BTG4: variants seen among roughly 807,000 people sequenced by gnomAD.
BTG4 encodes BTG anti-proliferation factor 4.
A neutral mutation model predicts 19.3 loss-of-function variants in BTG4; 10 were observed. The ratio of observed to expected loss-of-function variants is 0.52; its 90% CI spans 0.32 to 0.88. BTG4 has a LOEUF of 0.88. Among genes scored for constraint, BTG4 ranks in the 40% least tolerant of loss-of-function variants. BTG4 has a pLI of 0.04. For missense variants in BTG4, 238 were observed against 281.9 expected (o/e 0.84, Z 1.11); for synonymous variants, 91 against 95.7 (o/e 0.95, Z 0.29).
At chr11:111,502,509 G>C (rs1866156834) in intron 1 of BTG4, among the ~76,000 whole-genome samples, 1 of 152,060 alleles carries the variant, frequency 6.6e-6, no homozygotes, top group African/African-American at 2.4e-5. Flanking sequence ...CATTTGCTAG[G>C]GTAACTTTTG....
At chr11:111,468,629 G>C (rs1219851069) in intron 5 of BTG4, among the ~76,000 whole-genome samples, 1 of 152,210 alleles carries the variant, frequency 6.6e-6, no homozygotes, top group Non-Finnish European at 1.5e-5. Flanking sequence ...GAATGAACAA[G>C]AGAGTTACTT....
chr11:111,422,856 A>T, the BTG4 span, among the ~76,000 whole-genome samples: 1 of 152,152 alleles, frequency 6.6e-6, no homozygotes, highest in Non-Finnish European at 1.5e-5. Context: ...CTGTGGGTGG[A>T]GAGGGAGGGC....
chr11:111,490,383 C>T (rs536943865), downstream of BTG4, among the ~76,000 whole-genome samples: 4 of 152,022 alleles, frequency 2.6e-5, no homozygotes, highest in South Asian at 6.3e-4. Context: ...TGATTTATAA[C>T]ACAACATGTG....
At chr11:111,436,641 A>AAC in the BTG4 span, among the ~76,000 whole-genome samples, 7 of 150,626 alleles carry the variant, frequency 4.6e-5, no homozygotes, top group Admixed American at 2.0e-4. Flanking sequence ...AAAAGAAAAA[A>AAC]AAAAAACAAA....
At chr11:111,386,221 T>C in the BTG4 span, 4 of 152,224 alleles carry the variant, frequency 2.6e-5, no homozygotes, top group African/African-American at 4.8e-5. Context: ...ATTTTTTGTA[T>C]ATAGGACACA....
chr11:111,401,281 T>G, the BTG4 span, among the ~76,000 whole-genome samples: 2 of 151,902 alleles, frequency 1.3e-5, no homozygotes, highest in Non-Finnish European at 2.9e-5. Flanking sequence ...GGTCAGGAGA[T>G]CGAGACCATC....
chr11:111,386,293 C>T, the BTG4 span: 1 of 152,136 alleles, frequency 6.6e-6, no homozygotes, highest in Middle Eastern at 3.4e-3. Flanking sequence ...GGCTTTAGGG[C>T]TATAACAATG....
chr11:111,479,833 TA>T (rs936709756), intron 5 of BTG4, among the ~76,000 whole-genome samples: 27 of 151,992 alleles, frequency 1.8e-4, no homozygotes, highest in African/African-American at 5.5e-4. Context: ...GAGCAACCAC[TA>T]AAAAAGCTAT....
chr11:111,466,490 AC>A (rs1157570895), downstream of BTG4, among the ~76,000 whole-genome samples: 1 of 152,124 alleles, frequency 6.6e-6, no homozygotes, highest in Non-Finnish European at 1.5e-5. Flanking sequence ...TCTTCTGTGG[AC>A]CCTCATTCTG....
At chr11:111,497,150 G>A (rs759203516) in intron 4 of BTG4, 61 bp downstream of exon 4, 1 of 1,422,516 alleles carries the variant, frequency 7.0e-7, no homozygotes, top group Admixed American at 1.9e-5. Flanking sequence ...TTCATAATGA[G>A]TGCATTCTTT....
At chr11:111,412,201 T>C in the BTG4 span, among the ~76,000 whole-genome samples, 1 of 152,212 alleles carries the variant, frequency 6.6e-6, no homozygotes, top group Non-Finnish European at 1.5e-5. Context: ...ACTACAATGC[T>C]CAAAGCCCAC....
chr11:111,473,564 G>A (rs189264933), intron 5 of BTG4: 2 of 152,278 alleles, frequency 1.3e-5, no homozygotes, highest in Admixed American at 6.5e-5. Context: ...GTATGAATAA[G>A]TGGCATCACT....
chr11:111,431,622 G>T, the BTG4 span, among the ~76,000 whole-genome samples: 56 of 152,154 alleles, frequency 3.7e-4, no homozygotes, highest in Admixed American at 3.6e-3. Context: ...ATAATATACG[G>T]CCCATCCTGT....
intron 1 of BTG4, among the ~76,000 whole-genome samples, chr11:111,501,929 A>G (rs956809665): frequency 5.3e-5 from 8 of 152,224 alleles, no homozygotes; most frequent in Non-Finnish European, 7.3e-5. Context: ...AACATCTACT[A>G]TGTACCCAGA....
the BTG4 span, among the ~76,000 whole-genome samples, chr11:111,413,469 T>C: frequency 6.6e-6 from 1 of 152,258 alleles, no homozygotes; most frequent in African/African-American, 2.4e-5. Flanking sequence ...AGTGCTGTGA[T>C]AGGTGCCCTC....
chr11:111,430,049 T>C, the BTG4 span, among the ~76,000 whole-genome samples: 449 of 152,328 alleles, frequency 2.9e-3, 2 homozygotes, highest in Non-Finnish European at 5.3e-3. Flanking sequence ...ATCATAATAG[T>C]AAACGCTTAT....
chr11:111,463,156 C>CTG (rs1177187604), downstream of BTG4: 3 of 152,680 alleles, frequency 2.0e-5, no homozygotes, highest in Admixed American at 2.0e-4. Context: ...CTGCCTCCAG[C>CTG]TGTTGCACAC....
chr11:111,490,546 C>A (rs1017850424), downstream of BTG4, among the ~76,000 whole-genome samples: 2 of 152,144 alleles, frequency 1.3e-5, no homozygotes, highest in African/African-American at 4.8e-5. Context: ...TAGAATATAT[C>A]AAATATTCTC....
At chr11:111,472,108 C>A (rs1864104632) in intron 5 of BTG4, among the ~76,000 whole-genome samples, 1 of 152,208 alleles carries the variant, frequency 6.6e-6, no homozygotes, top group Non-Finnish European at 1.5e-5. Context: ...AGCCTACTTG[C>A]AACACAGCAA....
Sources: allele counts gnomAD v4.1 joint callset (sites outside exome capture counted in the v4.1 genomes callset), GRCh38; gene constraint gnomAD v4.1.1; transcripts MANE v1.5; gene names NCBI Gene and HGNC (gene_info 2026-07-23, HGNC 2026-07-21).